The following BMP8A variants were observed in gnomAD, a reference collection of about 807,000 sequenced individuals.
BMP8A encodes the protein bone morphogenetic protein 8a.
Under a neutral mutation model 36.8 loss-of-function variants are expected in BMP8A, and 14 were observed. The observed-to-expected ratio is 0.38, with a 90% CI of 0.25 to 0.60. BMP8A has a LOEUF of 0.60. BMP8A is among the 20% of genes least tolerant of loss of function. The pLI is 0.63. For synonymous variants in BMP8A, 120 were observed against 237.7 expected, an observed-to-expected ratio of 0.50 and a Z score of 4.55; for missense variants, 267 against 551.1, an observed-to-expected ratio of 0.48 and a Z score of 5.16.
rs548720881 is a variant in BMP8A at position 39,523,768 on chromosome 1, C to T, written c.1059+651C>T. The T allele has an allele frequency of 4.3e-5, 50 of 1,173,654 alleles. No individual in the cohort carries two copies. The South Asian group carries it at 4.4e-4, about 10-fold the overall frequency. The allele number at this position is 1,173,654 out of a possible 1,614,324, so 72.7% of individuals were successfully genotyped here. ...CACCACTGAGTGCTCTGTGTGTTTG[C>T]GGATTCTGGCACCGAGGCTTCCTTC... On this transcript the variant is annotated intron_variant, in intron 6 of 6. Coordinates refer to ENST00000331593, the MANE Select transcript of BMP8A (RefSeq NM_181809.4).
rs561068484 is a variant in BMP8A at position 39,497,901 on chromosome 1, G to A, written c.334+5576G>A. 3.9e-5 allele frequency among the ~76,000 whole-genome samples: 6 copies of A among 152,290 alleles called. No individual in the cohort carries two copies. In the South Asian group the frequency reaches 1.2e-3, roughly 32 times the overall value. ...CAACAATGGGTGCCATAGCTCCCTG[G>A]GCCCTCCCCTGGGACCCCAGGTCCC... is the stretch of plus-strand genomic sequence containing the variant. On this transcript the variant is annotated intron_variant, in intron 1 of 6. Coordinates refer to ENST00000331593, the MANE Select transcript of BMP8A (RefSeq NM_181809.4).
intron 3 of BMP8A, among the ~76,000 whole-genome samples, chr1:39,519,073 G>A (rs1327642862): frequency 2.8e-5 from 3 of 107,650 alleles, no homozygotes; most frequent in East Asian, 3.7e-4. Context: ...GATCTAATGC[G>A]ACATTCTATC....
At chr1:39,503,921 G>A (rs957329968) in intron 1 of BMP8A, among the ~76,000 whole-genome samples, 1 of 151,884 alleles carries the variant, frequency 6.6e-6, no homozygotes, top group Non-Finnish European at 1.5e-5. Context: ...AGCCTGGGCG[G>A]CAGAGTGAGA....
chr1:39,522,117 G>A (rs1346463761), intron 4 of BMP8A, among the ~76,000 whole-genome samples: 3 of 138,002 alleles, frequency 2.2e-5, no homozygotes, highest in South Asian at 2.5e-4. Context: ...CAGGATGGCC[G>A]AGGGTCCTGC....
Position 39,525,916 on chromosome 1 carries a change from G to C in BMP8A, c.*118G>C, listed in dbSNP as rs3738676. 1.3e-6 allele frequency: 2 copies of C among 1,507,470 alleles called. No individual in the cohort carries two copies. The highest frequency in any genetic ancestry group is 1.4e-5 in the African/African-American group (1 of 72,666). 93.4% of individuals were successfully genotyped at this position (1,507,470 alleles called of 1,614,324 possible). A position where few individuals can be genotyped will look rare whatever the true frequency, so the allele number is the denominator to read the frequency against. On this transcript the variant is annotated 3_prime_UTR_variant, in exon 7 of 7. Transcript: ENST00000331593. ...AGGAGTGTCAGGGGCCCTCACTCTC[G>C]GTGCCTACTTCCTGTCAGGCTTCTG... is the stretch of plus-strand genomic sequence containing the variant.
At chr1:39,510,001 G>A (rs1645339345) in intron 1 of BMP8A, among the ~76,000 whole-genome samples, 1 of 151,460 alleles carries the variant, frequency 6.6e-6, no homozygotes, top group African/African-American at 2.4e-5. Context: ...TGATTGGCAG[G>A]CCAGCCCCTG....
At chr1:39,495,629 C>T (rs540135382) in intron 1 of BMP8A, among the ~76,000 whole-genome samples, 5 of 144,618 alleles carry the variant, frequency 3.5e-5, no homozygotes, top group East Asian at 4.0e-4. Context: ...GTCCATTCTA[C>T]GGTGATGGCA....
intron 1 of BMP8A, among the ~76,000 whole-genome samples, chr1:39,495,969 C>T (rs11488181): frequency 0.14 from 20,037 of 139,300 alleles, no homozygotes; most frequent in East Asian, 0.23. Context: ...CTGTGGTCTC[C>T]GGTGGCCATG....
chr1:39,506,367 C>T (rs1645301699), intron 1 of BMP8A, among the ~76,000 whole-genome samples: 1 of 152,080 alleles, frequency 6.6e-6, no homozygotes, highest in Admixed American at 6.6e-5. Context: ...TACCACCACG[C>T]CCAGCTAATT....
intron 1 of BMP8A, among the ~76,000 whole-genome samples, chr1:39,507,229 C>T (rs548734709): frequency 1.6e-4 from 25 of 152,330 alleles, no homozygotes; most frequent in Middle Eastern, 3.4e-3. Context: ...CCTCATGGGC[C>T]CCCCAGCCTA....
rs1281679586 is a variant in BMP8A at position 39,492,221 on chromosome 1, T to G, written c.230T>G (p.Met77Arg). Reference sequence around the variant, plus strand: ...CTGCCCGCGTCCGCGCCGCTCTTCATGCTGGACCTGTACCACGCCATGGCT... The same window carrying G: ...CTGCCCGCGTCCGCGCCGCTCTTCAGGCTGGACCTGTACCACGCCATGGCT... ...SRLPASAPLF[M>R]LDLYHAMAGD... The change falls in exon 1 of 7, where the codon ATG (methionine) becomes AGG (arginine). Residue 77 changes from methionine (M) to arginine (R), a missense_variant. Transcript: ENST00000331593. The G allele has an allele frequency of 1.3e-6, 2 of 1,517,896 alleles. No individual in the cohort carries two copies. The highest frequency in any genetic ancestry group is 1.5e-5 in the African/African-American group (1 of 68,964). 94.0% of individuals were successfully genotyped at this position (1,517,896 alleles called of 1,614,324 possible).
At chr1:39,500,875 A>G in intron 1 of BMP8A, among the ~76,000 whole-genome samples, 1 of 151,922 alleles carries the variant, frequency 6.6e-6, no homozygotes, top group East Asian at 1.9e-4. Context: ...GCTGGTCTCA[A>G]CCTCCTGACC....
At chr1:39,525,372 C>T (rs1478890647) in intron 6 of BMP8A, among the ~76,000 whole-genome samples, 1 of 152,136 alleles carries the variant, frequency 6.6e-6, no homozygotes, top group African/African-American at 2.4e-5. Flanking sequence ...GAGCCCTTGG[C>T]CTGGGACTCG....
At chr1:39,501,292 A>G (rs1645251498) in intron 1 of BMP8A, among the ~76,000 whole-genome samples, 2 of 152,212 alleles carry the variant, frequency 1.3e-5, no homozygotes, top group African/African-American at 4.8e-5. Context: ...TCACATTTCA[A>G]CCTGAGTTTT....
chr1:39,494,949 G>T (rs1290919709), intron 1 of BMP8A, among the ~76,000 whole-genome samples: 8 of 146,710 alleles, frequency 5.5e-5, no homozygotes, highest in Admixed American at 1.4e-4. Flanking sequence ...TCTTTATTCT[G>T]CTGTGCTAAC....
At position 39,491,983 on chromosome 1, in the gene BMP8A, C is replaced by T; in HGVS notation, c.-9C>T. On this transcript the variant is annotated 5_prime_UTR_variant, in exon 1 of 7. Coordinates refer to ENST00000331593, the MANE Select transcript of BMP8A (RefSeq NM_181809.4). ...CTGATGTGCGCCCGCTGAGCGCCCC[C>T]GGCCCGCCATGGCCGCGCGCCCCGG... 9.3e-7 allele frequency: 1 copy of T among 1,078,108 alleles called. No homozygotes were observed. The highest frequency in any genetic ancestry group is 1.7e-5 in the African/African-American group (1 of 59,190). 66.8% of individuals were successfully genotyped at this position (1,078,108 alleles called of 1,614,324 possible).
chr1:39,525,108 G>A (rs72663507), intron 6 of BMP8A: 9,195 of 155,454 alleles, frequency 0.059, 796 homozygotes, highest in African/African-American at 0.2. Flanking sequence ...GGAGAGGTGC[G>A]GGCACATGCA....
Position 39,527,095 on chromosome 1 carries a change from T to G in BMP8A, c.*1297T>G, listed in dbSNP as rs1645490572. ...GGCAAGGGTGGGGACTGCCAGTGTT[T>G]GCTTGTGTCTAGGAGTTATGAACAA... On this transcript the variant is annotated 3_prime_UTR_variant, in exon 7 of 7. Coordinates refer to ENST00000331593, the MANE Select transcript of BMP8A (RefSeq NM_181809.4). Among the ~76,000 whole-genome samples, 1 of 152,186 alleles carries G rather than the reference T, an allele frequency of 6.6e-6. No individual in the cohort carries two copies. The highest frequency in any genetic ancestry group is 1.5e-5 in the Non-Finnish European group (1 of 68,018).
Position 39,491,908 on chromosome 1 carries a change from G to T in BMP8A, c.-84G>T. ...CCCCGCCCCCTGCTCGCCGAACTCA[G>T]CTCCCCGTTCGCCGTCGGGGCGTCC... On this transcript the variant is annotated 5_prime_UTR_variant, in exon 1 of 7. Transcript: ENST00000331593. 5 of 1,026,868 alleles carry T rather than the reference G, an allele frequency of 4.9e-6. No individual in the cohort carries two copies. Among genetic ancestry groups the T allele is most frequent in the African/African-American group, 1.7e-5 (1 of 58,102 alleles). The allele number at this position is 1,026,868 out of a possible 1,614,324, so 63.6% of individuals were successfully genotyped here. A position where few individuals can be genotyped will look rare whatever the true frequency, so the allele number is the denominator to read the frequency against.
Sources: gnomAD v4.1 joint callset for allele counts (sites outside exome capture counted in the v4.1 genomes callset) on GRCh38, gnomAD v4.1.1 for gene constraint, MANE v1.5 for transcripts, NCBI Gene and HGNC (gene_info 2026-07-23, HGNC 2026-07-21) for gene names.